Variants in MAN1A1 observed in about 807,000 individuals in gnomAD.
MAN1A1 encodes mannosyl-oligosaccharide 1,2-alpha-mannosidase IA.
MAN1A1 carries 29 observed loss-of-function variants against 70.8 expected under a neutral mutation model. That is an observed-to-expected ratio of 0.41 (90% confidence interval 0.31 to 0.56). The LOEUF is 0.56. MAN1A1 is among the 20% of genes least tolerant of loss of function. The pLI is 0.29. For synonymous variants in MAN1A1, 349 were observed against 330.1 expected, an observed-to-expected ratio of 1.06 and a Z score of -0.62; for missense variants, 747 against 841.3, an observed-to-expected ratio of 0.89 and a Z score of 1.39.
In MAN1A1 at chr6:119,288,792, A is replaced by G. The variant is rs1776451287; in HGVS notation, c.897+1891T>C. Among the ~76,000 whole-genome samples the G allele has an allele frequency of 3.3e-5, 5 of 151,994 alleles. No individual in the cohort carries two copies. In the South Asian group the frequency reaches 6.2e-4, roughly 19 times the overall value. ...AAACATGCTAAGAATATGGGTCCCT[A>G]TAACTAAAGCACTCTACAGATAGAA... On this transcript the variant is annotated intron_variant, in intron 5 of 12. Transcript: ENST00000368468.
intron 5 of MAN1A1, among the ~76,000 whole-genome samples, chr6:119,263,212 ATACT>A (rs1379200864): frequency 6.6e-6 from 1 of 152,022 alleles, no homozygotes; most frequent in African/African-American, 2.4e-5. Context: ...TATTAAGTTA[ATACT>A]TATAGTTTAT....
chr6:119,215,969 G>A (rs184224068), intron 6 of MAN1A1, among the ~76,000 whole-genome samples: 22 of 152,270 alleles, frequency 1.4e-4, no homozygotes, highest in African/African-American at 5.1e-4. Context: ...AGAAACGATC[G>A]AATGAACCTG....
rs947283990 is a variant in MAN1A1 at position 119,177,233 on chromosome 6, TAGAG to T, written c.*2582_*2585del. 2 of 152,066 alleles carry T rather than the reference TAGAG, an allele frequency of 1.3e-5. No homozygotes were observed. The highest frequency in any genetic ancestry group is 1.9e-4 in the East Asian group (1 of 5,204). 9.4% of individuals were successfully genotyped at this position (152,066 alleles called of 1,614,324 possible). A position where few individuals can be genotyped will look rare whatever the true frequency, so the allele number is the denominator to read the frequency against. ...ATATATTAAAAGACTTTATTCACAA[TAGAG>T]AAATTTTACAAATATAATTTTTAAA... On this transcript the variant is annotated 3_prime_UTR_variant, in exon 13 of 13. Transcript: ENST00000368468.
rs2114467272 is a variant in MAN1A1 at position 119,315,871 on chromosome 6, GCAGAAGCTGTCACTGAGTT to G, written c.604-8898_604-8880del. ...TGTGGTTGATGACTATGGTCTCCAGGCAGAAGCTGTCACTGAGTTCAGAAGTTGTCACTTTGTGTTTAAA... is the reference window on the plus strand; with the variant it reads ...TGTGGTTGATGACTATGGTCTCCAGGCAGAAGTTGTCACTTTGTGTTTAAA... On this transcript the variant is annotated intron_variant, in intron 2 of 12. Coordinates refer to ENST00000368468, the MANE Select transcript of MAN1A1 (RefSeq NM_005907.4). Among the ~76,000 whole-genome samples, 3 of 152,300 alleles carry G rather than the reference GCAGAAGCTGTCACTGAGTT, an allele frequency of 2.0e-5. No individual in the cohort carries two copies. The South Asian group carries it at 6.2e-4, about 32-fold the overall frequency.
chr6:119,334,497 T>G (rs1773402711), intron 2 of MAN1A1, among the ~76,000 whole-genome samples: 1 of 103,508 alleles, frequency 9.7e-6, no homozygotes, highest in Non-Finnish European at 1.9e-5. Flanking sequence ...TGAAAATCTT[T>G]AAGAGTATAA....
At position 119,186,686 on chromosome 6, in the gene MAN1A1, C is replaced by G. The variant is rs73529909; in HGVS notation, c.1719+1719G>C. 3.2e-3 allele frequency among the ~76,000 whole-genome samples: 484 copies of G among 152,308 alleles called. 6 individuals are homozygous for G. The highest frequency in any genetic ancestry group is 0.026 in the South Asian group (127 of 4,828). ...TCCTGACATGGTTTCCAGCTGTGGT[C>G]TCAAGTATGCATCAGAACAGCCAAG... is the stretch of plus-strand genomic sequence containing the variant. On this transcript the variant is annotated intron_variant, in intron 11 of 12. Coordinates refer to ENST00000368468, the MANE Select transcript of MAN1A1 (RefSeq NM_005907.4).
chr6:119,208,197 T>C (rs1340653884), intron 6 of MAN1A1, among the ~76,000 whole-genome samples: 1 of 152,108 alleles, frequency 6.6e-6, no homozygotes, highest in Admixed American at 6.5e-5. Flanking sequence ...TGCCAAGTGT[T>C]TGGTTCAAAG....
rs184052438 is a variant in MAN1A1 at position 119,341,201 on chromosome 6, T to C, written c.603+7262A>G. ...CACAGAAGTCTTTATCAAAACTCAG[T>C]GGGGGCGGGGCACTGCTGCCACATT... On this transcript the variant is annotated intron_variant, in intron 2 of 12. Transcript: ENST00000368468. Among the ~76,000 whole-genome samples, 259 of 152,248 alleles carry C rather than the reference T, an allele frequency of 1.7e-3. 1 individual carries two copies. Among genetic ancestry groups the C allele is most frequent in the African/African-American group, 6.1e-3 (254 of 41,532 alleles).
At chr6:119,239,191 A>G (rs1050063558) in intron 6 of MAN1A1, among the ~76,000 whole-genome samples, 7 of 152,310 alleles carry the variant, frequency 4.6e-5, no homozygotes, top group Non-Finnish European at 7.4e-5. Flanking sequence ...AACTGGGTCT[A>G]TTATTAAAAG....
intron 6 of MAN1A1, among the ~76,000 whole-genome samples, chr6:119,241,616 T>C (rs1159503653): frequency 6.6e-6 from 1 of 152,218 alleles, no homozygotes; most frequent in Non-Finnish European, 1.5e-5. Context: ...CACTGTTCTA[T>C]TAAAGCTGGG....
Position 119,349,740 on chromosome 6 carries a change from C to A in MAN1A1, c.-421G>T, listed in dbSNP as rs1582826033. 1 of 985,594 alleles carries A rather than the reference C, an allele frequency of 1.0e-6. No homozygotes were observed. Among genetic ancestry groups the A allele is most frequent in the East Asian group, 1.1e-4 (1 of 8,802 alleles). 61.1% of individuals were successfully genotyped at this position (985,594 alleles called of 1,614,324 possible). On this transcript the variant is annotated 5_prime_UTR_variant, in exon 1 of 13. Coordinates refer to ENST00000368468, the MANE Select transcript of MAN1A1 (RefSeq NM_005907.4). Reference sequence around the variant, plus strand: ...AGCGAGTAGAGCAGCACGGTACACTCCGCCGCGGCCCCGCGAGCACTAATC... The same window carrying A: ...AGCGAGTAGAGCAGCACGGTACACTACGCCGCGGCCCCGCGAGCACTAATC...
intron 9 of MAN1A1, among the ~76,000 whole-genome samples, chr6:119,191,803 C>T (rs1223588738): frequency 6.6e-6 from 1 of 152,168 alleles, no homozygotes; most frequent in Non-Finnish European, 1.5e-5. Context: ...GAAGCTACAA[C>T]AGAGTAGCCA....
At chr6:119,327,391 G>GTTTTTT (rs1230223370) in intron 2 of MAN1A1, 1 of 64,942 alleles carries the variant, frequency 1.5e-5, no homozygotes, top group African/African-American at 5.6e-5. Context: ...TTTTTTTTTT[G>GTTTTTT]TTTTTTTTTT....
intron 2 of MAN1A1, among the ~76,000 whole-genome samples, chr6:119,331,487 C>T (rs905326114): frequency 6.6e-5 from 10 of 150,630 alleles, no homozygotes; most frequent in African/African-American, 2.4e-4. Context: ...AACAACTTTC[C>T]AGAACCCCCA....
chr6:119,306,727 C>G (rs1402299990), intron 3 of MAN1A1, among the ~76,000 whole-genome samples, 169 bp downstream of exon 3: 1 of 152,204 alleles, frequency 6.6e-6, no homozygotes, highest in Non-Finnish European at 1.5e-5. Context: ...AGCCACTACT[C>G]TAGCTGAAGG....
intron 8 of MAN1A1, among the ~76,000 whole-genome samples, chr6:119,200,792 A>T (rs1445269605): frequency 6.6e-6 from 1 of 152,166 alleles, no homozygotes; most frequent in Non-Finnish European, 1.5e-5. Context: ...AAGAAGAGAA[A>T]AACAGGCTGT....
intron 11 of MAN1A1, among the ~76,000 whole-genome samples, chr6:119,186,600 A>T (rs1773297856): frequency 6.6e-6 from 1 of 151,994 alleles, no homozygotes; most frequent in South Asian, 2.1e-4. Flanking sequence ...ACAGCCATTA[A>T]CTCCCCAGCA....
intron 2 of MAN1A1, among the ~76,000 whole-genome samples, 184 bp downstream of exon 2, chr6:119,348,279 G>T (rs966344905): frequency 2.0e-5 from 3 of 152,208 alleles, no homozygotes; most frequent in African/African-American, 7.2e-5. Context: ...GATCTTACTG[G>T]ACACATCTAC....
intron 5 of MAN1A1, among the ~76,000 whole-genome samples, chr6:119,284,128 C>A (rs954771303): frequency 6.6e-6 from 1 of 152,112 alleles, no homozygotes; most frequent in Non-Finnish European, 1.5e-5. Context: ...GGATTGGGGG[C>A]TATTTTATCT....
Sources: allele counts gnomAD v4.1 joint callset (sites outside exome capture counted in the v4.1 genomes callset), GRCh38; gene constraint gnomAD v4.1.1; transcripts MANE v1.5; gene names NCBI Gene and HGNC (gene_info 2026-07-23, HGNC 2026-07-21).